The following MGST1 variants were observed in gnomAD, a reference collection of about 807,000 sequenced individuals.
MGST1 encodes microsomal glutathione S-transferase 1.
A neutral mutation model predicts 8.9 loss-of-function variants in MGST1; 5 were observed. The observed-to-expected ratio is 0.56, with a 90% CI of 0.29 to 1.19. MGST1 has a LOEUF of 1.19. MGST1 is among the 50% of genes most tolerant of loss of function. MGST1 has a pLI of 0.08. For missense variants in MGST1, 182 were observed against 187.4 expected (o/e 0.97, Z 0.17); for synonymous variants, 54 against 67.8 (o/e 0.80, Z 1.00).
chr12:16,447,424 C>T (rs1277153571), intron 4 of MGST1, among the ~76,000 whole-genome samples: 1 of 151,844 alleles, frequency 6.6e-6, no homozygotes, highest in Non-Finnish European at 1.5e-5. Context: ...CTGAAGATGA[C>T]CCTGTTGCCT....
chr12:16,453,872 A>G (rs995193974), intron 4 of MGST1, among the ~76,000 whole-genome samples: 1 of 151,938 alleles, frequency 6.6e-6, no homozygotes, highest in African/African-American at 2.4e-5. Context: ...CTACTCCACA[A>G]TGACCTCATC....
chr12:16,407,825 A>G (rs1940708677), intron 1 of MGST1, among the ~76,000 whole-genome samples: 1 of 152,070 alleles, frequency 6.6e-6, no homozygotes, highest in Non-Finnish European at 1.5e-5. Context: ...CGAGGTCAAG[A>G]GATCAAGACC....
intron 4 of MGST1, among the ~76,000 whole-genome samples, chr12:16,554,090 G>A (rs1220942321): frequency 2.0e-5 from 3 of 152,022 alleles, no homozygotes; most frequent in African/African-American, 7.2e-5. Flanking sequence ...CTGATGTTTT[G>A]GAATTAATAT....
rs535044674 is a variant in MGST1, at chr12:16,454,929, C to G, written n.482+71325C>G. 3.1e-4 allele frequency among the ~76,000 whole-genome samples: 44 copies of G among 141,942 alleles called. 1 individual carries two copies. The highest frequency in any genetic ancestry group is 1.2e-3 in the African/African-American group (43 of 36,916). 93.1% of individuals were successfully genotyped at this position (141,942 alleles called of 152,430 possible). A position where few individuals can be genotyped will look rare whatever the true frequency, so the allele number is the denominator to read the frequency against. ...AGGAGATGGGAAGATTTGAGGAGAA[C>G]CAGGGCAGGACAGTGTCAGATATCT... On this transcript the variant is annotated intron_variant and non_coding_transcript_variant, in intron 4 of 4. Transcript: ENST00000538857.
intron 3 of MGST1, among the ~76,000 whole-genome samples, chr12:16,371,317 A>G (rs901711419): frequency 1.3e-5 from 2 of 152,184 alleles, no homozygotes; most frequent in Non-Finnish European, 2.9e-5. Flanking sequence ...ATAAAGAAAT[A>G]TTTATTGAAG....
rs983986910 is a variant in MGST1, at chr12:16,537,192, C to T, written n.483-52336C>T. Among the ~76,000 whole-genome samples the T allele has an allele frequency of 2.0e-5, 3 of 152,174 alleles. No individual in the cohort carries two copies. Among genetic ancestry groups the T allele is most frequent in the African/African-American group, 7.2e-5 (3 of 41,444 alleles). On this transcript the variant is annotated intron_variant and non_coding_transcript_variant, in intron 4 of 4. Transcript: ENST00000538857. The surrounding 1 kb of genome is among the most constrained non-coding windows in gnomAD (Gnocchi z 4.6). Reference sequence around the variant, plus strand: ...AAGGGATTACAGGGCCCATCCAAGTCTGAAATCCAGTGGGGCAGTCAAATT... The same window carrying T: ...AAGGGATTACAGGGCCCATCCAAGTTTGAAATCCAGTGGGGCAGTCAAATT...
At chr12:16,450,629 A>C (rs1331631888) in intron 4 of MGST1, among the ~76,000 whole-genome samples, 3 of 152,098 alleles carry the variant, frequency 2.0e-5, no homozygotes, top group Middle Eastern at 6.8e-3. Context: ...TAAACCAGTC[A>C]CACTCCCACC....
chr12:16,456,767 T>A (rs527625259), intron 4 of MGST1, among the ~76,000 whole-genome samples: 2 of 152,082 alleles, frequency 1.3e-5, no homozygotes, highest in East Asian at 3.9e-4. Flanking sequence ...GGGCTTTTTT[T>A]AAATGGCAAC....
intron 4 of MGST1, among the ~76,000 whole-genome samples, chr12:16,474,781 C>T (rs1459022269): frequency 1.3e-5 from 2 of 152,134 alleles, no homozygotes; most frequent in East Asian, 1.9e-4. Context: ...AGAAGACCTG[C>T]GTTTGATTCA....
At chr12:16,453,308 C>A (rs888941059) in intron 4 of MGST1, among the ~76,000 whole-genome samples, 20 of 151,880 alleles carry the variant, frequency 1.3e-4, no homozygotes, top group African/African-American at 4.8e-4. Flanking sequence ...AATTCTGAAG[C>A]TTTTCCTTAA....
chr12:16,414,736 T>C (rs1366356003), intron 1 of MGST1, among the ~76,000 whole-genome samples: 1 of 152,074 alleles, frequency 6.6e-6, no homozygotes, highest in Non-Finnish European at 1.5e-5. Context: ...TTTAAAAATA[T>C]TTTCAGCTGG....
intron 4 of MGST1, among the ~76,000 whole-genome samples, chr12:16,505,469 G>C (rs779680621): frequency 1.3e-5 from 2 of 152,032 alleles, no homozygotes; most frequent in Non-Finnish European, 2.9e-5. Flanking sequence ...AGTTCCTCCT[G>C]ATTTTACTTT....
At chr12:16,405,600 G>A (rs985918844) in intron 1 of MGST1, among the ~76,000 whole-genome samples, 4 of 152,082 alleles carry the variant, frequency 2.6e-5, no homozygotes, top group Admixed American at 2.6e-4. Context: ...AAACCTGGCA[G>A]AAATAGAAGA....
intron 4 of MGST1, among the ~76,000 whole-genome samples, chr12:16,512,307 T>C (rs1047484959): frequency 3.9e-5 from 6 of 152,108 alleles, no homozygotes; most frequent in African/African-American, 4.8e-5. Flanking sequence ...ATTGTTTTCA[T>C]AGGATAATCT....
At chr12:16,483,854 T>C (rs924368947) in intron 4 of MGST1, among the ~76,000 whole-genome samples, 3 of 152,226 alleles carry the variant, frequency 2.0e-5, no homozygotes, top group African/African-American at 7.2e-5. Context: ...TGGACATTTC[T>C]AGAACTTGTG....
At chr12:16,590,915 C>T (rs916987304), downstream of MGST1, among the ~76,000 whole-genome samples, 3 of 151,972 alleles carry the variant, frequency 2.0e-5, no homozygotes, top group Admixed American at 6.6e-5. Flanking sequence ...CACACAGGGT[C>T]ATCAATGGGG....
At chr12:16,394,580 T>A (rs1940588804) in intron 1 of MGST1, among the ~76,000 whole-genome samples, 1 of 139,324 alleles carries the variant, frequency 7.2e-6, no homozygotes, top group Non-Finnish European at 1.5e-5. Flanking sequence ...CTTTCTTCTC[T>A]CTGTCTCTCT....
At chr12:16,385,391 C>T (rs887083004) in intron 1 of MGST1, among the ~76,000 whole-genome samples, 3 of 152,000 alleles carry the variant, frequency 2.0e-5, no homozygotes, top group Non-Finnish European at 4.4e-5. Flanking sequence ...TCTGAGGTTA[C>T]ATCAATCACA....
chr12:16,557,698 A>T (rs988232969), intron 4 of MGST1, among the ~76,000 whole-genome samples: 1 of 152,066 alleles, frequency 6.6e-6, no homozygotes, highest in Non-Finnish European at 1.5e-5. Context: ...ACTTTTGAGA[A>T]CCAGTTGTGT....
Sources: allele counts gnomAD v4.1 joint callset (sites outside exome capture counted in the v4.1 genomes callset), GRCh38; gene constraint gnomAD v4.1.1; non-coding constraint Gnocchi (gnomAD v3.1); transcripts MANE v1.5; gene names NCBI Gene and HGNC (gene_info 2026-07-23, HGNC 2026-07-21).